The following PDE8B variants were observed in gnomAD, a reference collection of about 807,000 sequenced individuals.
The protein encoded by PDE8B is high affinity cAMP-specific and IBMX-insensitive 3',5'-cyclic phosphodiesterase 8B.
A neutral mutation model predicts 101.3 loss-of-function variants in PDE8B; 26 were observed. The ratio of observed to expected loss-of-function variants is 0.26; its 90% CI spans 0.19 to 0.36. The LOEUF (loss-of-function observed/expected upper bound fraction) is 0.36, where lower values mean the gene tolerates loss of function less well. Among genes scored for constraint, PDE8B ranks in the 10% least tolerant of loss-of-function variants. PDE8B has a pLI of 1.00. For missense variants in PDE8B, 810 were observed against 1,163.1 expected (o/e 0.70, Z 4.42); for synonymous variants, 424 against 429.3 (o/e 0.99, Z 0.15).
chr5:77,425,954 C>CT (rs1489363908), intron 21 of PDE8B, 58 bp downstream of exon 21: 16 of 1,517,578 alleles, frequency 1.1e-5, no homozygotes, highest in Admixed American at 8.4e-5. Context: ...CGAATATTAT[C>CT]TTTAGTGACA....
At chr5:77,350,970 T>G in intron 8 of PDE8B, 95 bp from the exon 9 acceptor site, 2 of 853,514 alleles carry the variant, frequency 2.3e-6, no homozygotes, top group Admixed American at 1.9e-5. Context: ...AACGAGAGCA[T>G]GTGGGAATGT....
chr5:77,386,894 T>TTTTTTTTTTTTTTTTTA (rs1788782797), intron 10 of PDE8B, among the ~76,000 whole-genome samples: 1 of 99,016 alleles, frequency 1.0e-5, no homozygotes, highest in African/African-American at 4.5e-5. Context: ...TTTTTTTTTT[T>TTTTTTTTTTTTTTTTTA]GAGACGGAGT....
chr5:77,129,164 TA>T, the PDE8B span, among the ~76,000 whole-genome samples: 8 of 151,822 alleles, frequency 5.3e-5, no homozygotes, highest in South Asian at 1.7e-3. Flanking sequence ...CCATCTAATT[TA>T]AAAAAAAATC....
At chr5:77,325,305 C>T (rs115062774) in intron 2 of PDE8B, among the ~76,000 whole-genome samples, 2,216 of 152,258 alleles carry the variant, frequency 0.015, 56 homozygotes, top group African/African-American at 0.05. Context: ...GTAGTGGAGA[C>T]CACAGGCATG....
At chr5:77,162,061 A>C in the PDE8B span, among the ~76,000 whole-genome samples, 1 of 152,088 alleles carries the variant, frequency 6.6e-6, no homozygotes, top group South Asian at 2.1e-4. Flanking sequence ...CTCTCCTGGA[A>C]CTAATAAGTA....
the PDE8B span, among the ~76,000 whole-genome samples, chr5:77,115,917 G>C: frequency 6.6e-6 from 1 of 152,268 alleles, no homozygotes; most frequent in South Asian, 2.1e-4. Context: ...TTTCATTCAA[G>C]AAGGTTTATG....
chr5:77,335,115 C>T (rs1366753073), intron 5 of PDE8B, among the ~76,000 whole-genome samples: 1 of 152,166 alleles, frequency 6.6e-6, no homozygotes, highest in Non-Finnish European at 1.5e-5. Context: ...ATTTATGCCA[C>T]CAGCCTTTCA....
chr5:77,178,117 C>T, the PDE8B span, among the ~76,000 whole-genome samples: 1 of 152,296 alleles, frequency 6.6e-6, no homozygotes, highest in South Asian at 2.1e-4. Flanking sequence ...TCTTAACTGG[C>T]TCTTCTGGAA....
At chr5:77,277,546 A>G (rs1008874271) in intron 1 of PDE8B, among the ~76,000 whole-genome samples, 1 of 152,210 alleles carries the variant, frequency 6.6e-6, no homozygotes, top group Admixed American at 6.5e-5. Flanking sequence ...TGAAAAACAT[A>G]TATTCTCTGC....
At chr5:77,136,786 T>C in the PDE8B span, among the ~76,000 whole-genome samples, 3 of 152,192 alleles carry the variant, frequency 2.0e-5, no homozygotes, top group African/African-American at 7.2e-5. Context: ...ATTTGCATCA[T>C]TCAATATTTT....
At chr5:77,302,524 T>G (rs904959537) in intron 1 of PDE8B, among the ~76,000 whole-genome samples, 1 of 152,214 alleles carries the variant, frequency 6.6e-6, no homozygotes, top group Non-Finnish European at 1.5e-5. Flanking sequence ...GCGGGTGCCT[T>G]GTGCCAAACG....
At chr5:77,378,013 C>CT (rs770509647) in intron 10 of PDE8B, among the ~76,000 whole-genome samples, 1 of 109,312 alleles carries the variant, frequency 9.1e-6, no homozygotes, top group African/African-American at 4.5e-5. Context: ...TCTCTCTACA[C>CT]ACACACACAC....
the PDE8B span, among the ~76,000 whole-genome samples, chr5:77,165,692 A>T: frequency 0.47 from 71,277 of 152,102 alleles, 19,356 homozygotes; most frequent in East Asian, 0.78. Context: ...ATAGGAAGGG[A>T]GAGTTTTGAG....
the PDE8B span, among the ~76,000 whole-genome samples, chr5:77,098,006 C>T: frequency 6.6e-6 from 1 of 150,794 alleles, no homozygotes; most frequent in Non-Finnish European, 1.5e-5. Flanking sequence ...TACATGCTTT[C>T]TTAGTTTGGA....
At chr5:77,195,140 G>A in the PDE8B span, among the ~76,000 whole-genome samples, 1 of 152,200 alleles carries the variant, frequency 6.6e-6, no homozygotes, top group Non-Finnish European at 1.5e-5. Context: ...CAAGATCAAG[G>A]TGCCTGCATC....
intron 3 of PDE8B, among the ~76,000 whole-genome samples, chr5:77,328,005 T>C (rs9686527): frequency 0.29 from 43,572 of 151,954 alleles, 7,810 homozygotes; most frequent in African/African-American, 0.51. Flanking sequence ...GTAGTTCAAA[T>C]ACATTAAAGT....
intron 1 of PDE8B, among the ~76,000 whole-genome samples, chr5:77,258,134 C>T (rs1482418632): frequency 6.6e-6 from 1 of 151,732 alleles, no homozygotes; most frequent in Non-Finnish European, 1.5e-5. Flanking sequence ...ACTAAAAGTA[C>T]AAAAATTAGC....
chr5:77,205,549 C>T (rs1460789236), upstream of PDE8B, among the ~76,000 whole-genome samples: 1 of 151,960 alleles, frequency 6.6e-6, no homozygotes, highest in Non-Finnish European at 1.5e-5. Context: ...AATTTATTTT[C>T]CATCTTTTAC....
At chr5:77,188,350 C>T in the PDE8B span, among the ~76,000 whole-genome samples, 3 of 152,312 alleles carry the variant, frequency 2.0e-5, no homozygotes, top group Admixed American at 6.5e-5. Context: ...TAAAGTGCAT[C>T]GTTTTGCAGT....
Sources: gnomAD v4.1 joint callset for allele counts (sites outside exome capture counted in the v4.1 genomes callset) on GRCh38, gnomAD v4.1.1 for gene constraint, MANE v1.5 for transcripts, NCBI Gene and HGNC (gene_info 2026-07-23, HGNC 2026-07-21) for gene names.